Variants in DPY19L4 observed in about 807,000 individuals in gnomAD.
DPY19L4 encodes the protein probable C-mannosyltransferase DPY19L4.
A neutral mutation model predicts 102.8 loss-of-function variants in DPY19L4; 97 were observed. The ratio of observed to expected loss-of-function variants is 0.94; its 90% CI spans 0.80 to 1.12. The LOEUF (loss-of-function observed/expected upper bound fraction) is 1.12, where lower values mean the gene tolerates loss of function less well. DPY19L4 is among the 50% of genes most tolerant of loss of function. The pLI, the probability that DPY19L4 is intolerant of heterozygous loss-of-function variation, is 0.00. For synonymous variants in DPY19L4, 252 were observed against 283.1 expected, an observed-to-expected ratio of 0.89 and a Z score of 1.10; for missense variants, 815 against 850.4, an observed-to-expected ratio of 0.96 and a Z score of 0.52.
intron 6 of DPY19L4, among the ~76,000 whole-genome samples, chr8:94,742,733 G>A (rs1281474914): frequency 1.3e-5 from 2 of 151,632 alleles, no homozygotes; most frequent in African/African-American, 4.8e-5. Context: ...TAATTTTTTT[G>A]TATTTTTAGT....
intron 7 of DPY19L4, among the ~76,000 whole-genome samples, chr8:94,760,143 C>G (rs1430508139): frequency 1.3e-5 from 2 of 152,182 alleles, no homozygotes; most frequent in East Asian, 3.8e-4. Context: ...GTAGTTCTAT[C>G]TTTAAGACAT....
intron 3 of DPY19L4, among the ~76,000 whole-genome samples, chr8:94,736,149 G>C (rs1178835464): frequency 3.3e-5 from 5 of 152,270 alleles, no homozygotes; most frequent in South Asian, 2.1e-4. Flanking sequence ...GAAGCAGCAA[G>C]GGATCGCTGT....
chr8:94,723,447 T>C (rs555248531), intron 1 of DPY19L4, among the ~76,000 whole-genome samples: 2 of 149,266 alleles, frequency 1.3e-5, no homozygotes, highest in Non-Finnish European at 3.0e-5. Flanking sequence ...CACTGCAGCC[T>C]GGGCAAAAAG....
intron 6 of DPY19L4, among the ~76,000 whole-genome samples, chr8:94,751,776 A>C (rs1283495316): frequency 6.6e-6 from 1 of 152,034 alleles, no homozygotes; most frequent in Admixed American, 6.6e-5. Flanking sequence ...AGGTGTGAGC[A>C]AGCATGCCCA....
intron 6 of DPY19L4, 27 bp downstream of exon 6, chr8:94,739,817 T>C (rs1386167317): frequency 6.2e-7 from 1 of 1,608,876 alleles, no homozygotes; most frequent in Admixed American, 1.7e-5. Context: ...AATTGATTTT[T>C]AAAAACTTTT....
intron 17 of DPY19L4, among the ~76,000 whole-genome samples, 177 bp downstream of exon 17, chr8:94,783,979 A>G (rs1813545887): frequency 6.6e-6 from 1 of 152,192 alleles, no homozygotes; most frequent in Admixed American, 6.5e-5. Context: ...CCAAGAGGAG[A>G]CCCAAAATTA....
intron 1 of DPY19L4, 173 bp downstream of exon 1, chr8:94,720,187 A>G: frequency 7.1e-6 from 7 of 985,402 alleles, no homozygotes; most frequent in Non-Finnish European, 8.4e-6. Flanking sequence ...GAAATTCAGG[A>G]GAGCGGAGCA....
chr8:94,754,927 T>C (rs889222313), intron 6 of DPY19L4, among the ~76,000 whole-genome samples: 3 of 152,306 alleles, frequency 2.0e-5, no homozygotes. Flanking sequence ...TAGCTGGTAC[T>C]ACAGGCACGC....
chr8:94,783,962 C>T (rs1813545297), intron 17 of DPY19L4, among the ~76,000 whole-genome samples, 160 bp downstream of exon 17: 1 of 152,164 alleles, frequency 6.6e-6, no homozygotes, highest in East Asian at 1.9e-4. Context: ...ATTAATAATA[C>T]AGTTAACCAA....
chr8:94,752,143 C>T (rs1811961213), intron 6 of DPY19L4, among the ~76,000 whole-genome samples: 1 of 152,034 alleles, frequency 6.6e-6, no homozygotes, highest in Non-Finnish European at 1.5e-5. Context: ...GTGATCGTAC[C>T]ATTCTATTTT....
chr8:94,744,332 C>T (rs1381087052), intron 6 of DPY19L4: 2 of 456,466 alleles, frequency 4.4e-6, no homozygotes, highest in Admixed American at 2.3e-5. Flanking sequence ...TACATATGGG[C>T]CTCTCCATAG....
At chr8:94,770,177 G>T (rs895363896) in intron 12 of DPY19L4, among the ~76,000 whole-genome samples, 2 of 152,078 alleles carry the variant, frequency 1.3e-5, no homozygotes, top group African/African-American at 4.8e-5. Context: ...GTAAGTCACT[G>T]CCCCTAACCC....
chr8:94,765,691 A>G lies in DPY19L4; in HGVS notation c.1003-20A>G. On this transcript the variant is annotated intron_variant, in intron 9 of 18. Transcript: ENST00000414645. ...TTTTTAACACCTCACTTCTTTGTTC[A>G]TATGATTTTTCCTCCACAGCTGAAT... 3 of 1,530,554 alleles carry G rather than the reference A, an allele frequency of 2.0e-6. No homozygotes were observed. Among genetic ancestry groups the G allele is most frequent in the East Asian group, 2.3e-5 (1 of 44,282 alleles). The allele number at this position is 1,530,554 out of a possible 1,614,324, so 94.8% of individuals were successfully genotyped here.
intron 17 of DPY19L4, among the ~76,000 whole-genome samples, chr8:94,786,015 C>T (rs1813635024): frequency 6.6e-6 from 1 of 151,998 alleles, no homozygotes. Flanking sequence ...GTTTTTGAAA[C>T]CTTTGTCTTT....
At chr8:94,746,043 C>T (rs150565865) in intron 6 of DPY19L4, among the ~76,000 whole-genome samples, 5,243 of 148,682 alleles carry the variant, frequency 0.035, 112 homozygotes, top group Non-Finnish European at 0.04. Flanking sequence ...CGTGAGCCAC[C>T]ATGCCTGGCC....
chr8:94,765,823 T>C lies in DPY19L4; in HGVS notation c.1101+14T>C. 1 of 1,458,278 alleles carries C rather than the reference T, an allele frequency of 6.9e-7. No homozygotes were observed. Among genetic ancestry groups the C allele is most frequent in the Non-Finnish European group, 9.5e-7 (1 of 1,056,150 alleles). 90.3% of individuals were successfully genotyped at this position (1,458,278 alleles called of 1,614,324 possible). A position where few individuals can be genotyped will look rare whatever the true frequency, so the allele number is the denominator to read the frequency against. On this transcript the variant is annotated intron_variant, in intron 10 of 18. Transcript: ENST00000414645. The stretch of plus-strand genomic sequence containing the variant: ...ATTATAATGAAGGTAAGTAACTCTC[T>C]GGGATTCATATAGTAAAACAAAATG...
intron 8 of DPY19L4, among the ~76,000 whole-genome samples, chr8:94,764,717 ATTTTTTTTT>A (rs869220296): frequency 3.4e-5 from 1 of 29,320 alleles, no homozygotes; most frequent in African/African-American, 1.4e-4. Flanking sequence ...ATATATATAT[ATTTTTTTTT>A]TTTTTTTTTT....
chr8:94,764,712 TATATA>T (rs1329038504), intron 8 of DPY19L4, among the ~76,000 whole-genome samples: 15 of 76,178 alleles, frequency 2.0e-4, no homozygotes, highest in African/African-American at 6.9e-4. Context: ...TATATATATA[TATATA>T]TTTTTTTTTT....
chr8:94,750,830 T>TGC lies in DPY19L4; in HGVS notation c.612-5205_612-5204insCG, dbSNP rs1586355373. The stretch of plus-strand genomic sequence containing the variant: ...CAGGATCTCACTCTGTCACCCAGGC[T>TGC]GGAGTGCAGTGGCGCAATCTCGGCT... On this transcript the variant is annotated intron_variant, in intron 6 of 18. Coordinates refer to ENST00000414645, the MANE Select transcript of DPY19L4 (RefSeq NM_181787.3). Among the ~76,000 whole-genome samples, 9 of 151,840 alleles carry TGC rather than the reference T, an allele frequency of 5.9e-5. No individual in the cohort carries two copies. In the East Asian group the frequency reaches 1.6e-3, roughly 26 times the overall value.
Sources: allele counts gnomAD v4.1 joint callset (sites outside exome capture counted in the v4.1 genomes callset), GRCh38; gene constraint gnomAD v4.1.1; transcripts MANE v1.5; gene names NCBI Gene and HGNC (gene_info 2026-07-23, HGNC 2026-07-21).